Variants in ADCY8 observed in about 807,000 individuals in gnomAD.
ADCY8 encodes adenylate cyclase 8, also known as adenylate cyclase type 8.
In ADCY8, 51 loss-of-function variants were observed where a neutral mutation model predicts 119.7. The ratio of observed to expected loss-of-function variants is 0.43; its 90% CI spans 0.34 to 0.54. ADCY8 has a LOEUF of 0.54. Among genes scored for constraint, ADCY8 ranks in the 20% least tolerant of loss-of-function variants. The probability of loss-of-function intolerance (pLI) is 0.03; values close to 1 mark genes in which losing one functional copy is unlikely to be tolerated. For missense variants in ADCY8, 1,383 were observed against 1,598.8 expected (o/e 0.87, Z 2.30); for synonymous variants, 665 against 651.0 (o/e 1.02, Z -0.33).
intron 5 of ADCY8, among the ~76,000 whole-genome samples, chr8:130,923,374 T>A (rs1820372773): frequency 6.6e-6 from 1 of 152,300 alleles, no homozygotes; most frequent in African/African-American, 2.4e-5. Flanking sequence ...AAAAACAATA[T>A]AATTTCTGTT....
intron 2 of ADCY8, among the ~76,000 whole-genome samples, chr8:130,986,003 GC>G (rs1275446450): frequency 1.3e-5 from 2 of 152,144 alleles, no homozygotes; most frequent in Admixed American, 6.6e-5. Flanking sequence ...TCTCCAAGCT[GC>G]AAGAAAAACA....
At chr8:130,795,595 T>C (rs1290875292) in intron 15 of ADCY8, among the ~76,000 whole-genome samples, 2 of 152,198 alleles carry the variant, frequency 1.3e-5, no homozygotes, top group African/African-American at 4.8e-5. Flanking sequence ...GATTGTAATA[T>C]CCTCCAGGTC....
intron 11 of ADCY8, among the ~76,000 whole-genome samples, 184 bp from the exon 12 acceptor site, chr8:130,836,633 C>T (rs966842455): frequency 1.3e-5 from 2 of 152,222 alleles, no homozygotes; most frequent in Non-Finnish European, 2.9e-5. Flanking sequence ...CCCTACTTCT[C>T]TGAATGGCAT....
chr8:130,853,268 A>G (rs994886408), intron 9 of ADCY8, among the ~76,000 whole-genome samples: 1 of 152,240 alleles, frequency 6.6e-6, no homozygotes, highest in African/African-American at 2.4e-5. Context: ...CTCTTTGGCC[A>G]GGGCATCTCT....
intron 2 of ADCY8, among the ~76,000 whole-genome samples, chr8:130,963,595 G>T (rs1821672838): frequency 1.3e-5 from 2 of 152,282 alleles, no homozygotes; most frequent in Admixed American, 1.3e-4. Context: ...TTCATGGGGG[G>T]TTTAGTCCCC....
At chr8:130,945,368 T>C (rs1821077431) in intron 3 of ADCY8, among the ~76,000 whole-genome samples, 1 of 152,262 alleles carries the variant, frequency 6.6e-6, no homozygotes, top group African/African-American at 2.4e-5. Context: ...GTGACTATAC[T>C]GCCATTGTCT....
intron 5 of ADCY8, among the ~76,000 whole-genome samples, chr8:130,934,406 C>A (rs1820725012): frequency 6.6e-6 from 1 of 152,098 alleles, no homozygotes; most frequent in Non-Finnish European, 1.5e-5. Flanking sequence ...CACTTATAAA[C>A]AACCAGCTCT....
At chr8:130,929,386 T>C (rs951063805) in intron 5 of ADCY8, among the ~76,000 whole-genome samples, 2 of 152,226 alleles carry the variant, frequency 1.3e-5, no homozygotes, top group African/African-American at 4.8e-5. Flanking sequence ...AGTTCCTTCA[T>C]TGATCCATTG....
chr8:130,821,392 G>A lies in ADCY8; in HGVS notation c.2704C>T (p.Leu902=). 1 of 1,613,414 alleles carries A rather than the reference G, an allele frequency of 6.2e-7. No individual in the cohort carries two copies. Among genetic ancestry groups the A allele is most frequent in the Non-Finnish European group, 8.5e-7 (1 of 1,179,540 alleles). The part of the protein sequence containing the change: ...EDFLGTKEVS[L]LLMAMFLLAV... Reference sequence around the variant, plus strand: ...AGGAGGAACATGGCCATCAGTAGCAGTGATACCTCCTTGGTCCCCAGGAAA... The same window carrying A: ...AGGAGGAACATGGCCATCAGTAGCAATGATACCTCCTTGGTCCCCAGGAAA... The change falls in exon 13 of 18, where the codon CTG becomes TTG. Residue 902 remains leucine (L), a synonymous_variant. Coordinates refer to ENST00000286355, the MANE Select transcript of ADCY8 (RefSeq NM_001115.3).
At chr8:130,866,850 C>T (rs1366350015) in intron 9 of ADCY8, among the ~76,000 whole-genome samples, 1 of 152,056 alleles carries the variant, frequency 6.6e-6, no homozygotes, top group African/African-American at 2.4e-5. Context: ...TTGAGACAAT[C>T]CATGGAAAAG....
rs951514423 is a variant in ADCY8, at chr8:130,892,682, T to A, written c.1912-7921A>T. On this transcript the variant is annotated intron_variant, in intron 7 of 17. Transcript: ENST00000286355. ...CTCTTGCTTCAGTTCAACCTACTCCTGGGTCATGGCTTTAGACACAGATGT... is the reference window on the plus strand; with the variant it reads ...CTCTTGCTTCAGTTCAACCTACTCCAGGGTCATGGCTTTAGACACAGATGT... 4.6e-5 allele frequency: 7 copies of A among 152,432 alleles called. No homozygotes were observed. The East Asian group carries it at 1.4e-3, about 29-fold the overall frequency. The allele number at this position is 152,432 out of a possible 1,614,324, so 9.4% of individuals were successfully genotyped here. A position where few individuals can be genotyped will look rare whatever the true frequency, so the allele number is the denominator to read the frequency against.
At chr8:130,979,245 T>C (rs757176246) in intron 2 of ADCY8, among the ~76,000 whole-genome samples, 11 of 152,298 alleles carry the variant, frequency 7.2e-5, no homozygotes, top group East Asian at 3.9e-4. Flanking sequence ...GGAGCCTTCA[T>C]TGGAAGCTGG....
At chr8:130,959,545 A>G (rs1304070759) in intron 2 of ADCY8, among the ~76,000 whole-genome samples, 3 of 152,238 alleles carry the variant, frequency 2.0e-5, no homozygotes, top group Non-Finnish European at 4.4e-5. Context: ...ATGGTCTGGC[A>G]GGATAGTTGA....
chr8:130,874,897 G>A (rs1334500065), intron 8 of ADCY8, among the ~76,000 whole-genome samples: 1 of 151,938 alleles, frequency 6.6e-6, no homozygotes, highest in Non-Finnish European at 1.5e-5. Flanking sequence ...CCAAGAGAGT[G>A]GTAACTATTG....
chr8:130,861,889 G>A (rs749551076), intron 9 of ADCY8, among the ~76,000 whole-genome samples: 70 of 152,070 alleles, frequency 4.6e-4, no homozygotes, highest in Non-Finnish European at 9.4e-4. Flanking sequence ...AACATAAATG[G>A]ACGTTGAAGT....
intron 12 of ADCY8, 90 bp downstream of exon 12, chr8:130,836,187 T>G (rs1816979611): frequency 7.2e-7 from 1 of 1,385,624 alleles, no homozygotes; most frequent in Middle Eastern, 1.9e-4. Context: ...GGCCTTAAGT[T>G]TTAGTAATGC....
At chr8:130,969,946 T>C (rs528576797) in intron 2 of ADCY8, among the ~76,000 whole-genome samples, 3 of 152,184 alleles carry the variant, frequency 2.0e-5, no homozygotes, top group Non-Finnish European at 4.4e-5. Context: ...CTCTTAATTT[T>C]TGTATCTTAA....
intron 12 of ADCY8, among the ~76,000 whole-genome samples, chr8:130,826,862 T>C (rs1239094924): frequency 1.3e-5 from 2 of 151,356 alleles, no homozygotes; most frequent in African/African-American, 4.9e-5. Flanking sequence ...TAACAACAGG[T>C]GCACAGTAGA....
At chr8:130,808,894 C>T (rs975725284) in intron 14 of ADCY8, among the ~76,000 whole-genome samples, 2 of 107,784 alleles carry the variant, frequency 1.9e-5, no homozygotes, top group Non-Finnish European at 4.4e-5. Flanking sequence ...GTCTTTTCAA[C>T]AACTCCTCAT....
Sources: allele counts gnomAD v4.1 joint callset (sites outside exome capture counted in the v4.1 genomes callset), GRCh38; gene constraint gnomAD v4.1.1; transcripts MANE v1.5; gene names NCBI Gene and HGNC (gene_info 2026-07-23, HGNC 2026-07-21).